The following PTPRK variants were observed in gnomAD, a reference collection of about 807,000 sequenced individuals.
The protein encoded by PTPRK is protein tyrosine phosphatase receptor type K, also known as receptor-type tyrosine-protein phosphatase kappa.
Under a neutral mutation model 178.0 loss-of-function variants are expected in PTPRK, and 75 were observed. That is an observed-to-expected ratio of 0.42 (90% CI 0.35 to 0.51). PTPRK has a LOEUF of 0.51. PTPRK is among the 20% of genes least tolerant of loss of function. The pLI, the probability that PTPRK is intolerant of heterozygous loss-of-function variation, is 0.02. For synonymous variants in PTPRK, 637 were observed against 620.6 expected, an observed-to-expected ratio of 1.03 and a Z score of -0.39; for missense variants, 1,441 against 1,797.8, an observed-to-expected ratio of 0.80 and a Z score of 3.59.
intron 3 of PTPRK, among the ~76,000 whole-genome samples, chr6:128,253,019 G>T (rs541390986): frequency 6.6e-6 from 1 of 152,194 alleles, no homozygotes; most frequent in African/African-American, 2.4e-5. Flanking sequence ...AGCTGCCTGA[G>T]ACTAGAGACC....
At chr6:128,159,327 T>A (rs1377087629) in intron 7 of PTPRK, among the ~76,000 whole-genome samples, 1 of 151,824 alleles carries the variant, frequency 6.6e-6, no homozygotes, top group African/African-American at 2.4e-5. Flanking sequence ...TCCAATGAAG[T>A]AGATCAAAGC....
chr6:128,476,887 TA>T lies in PTPRK; in HGVS notation c.100+43371del, dbSNP rs71028124. Among the ~76,000 whole-genome samples the T allele has an allele frequency of 4.3e-3, 628 of 146,154 alleles. 3 individuals carry two copies. The highest frequency in any genetic ancestry group is 0.012 in the African/African-American group (472 of 40,080). On this transcript the variant is annotated intron_variant, in intron 1 of 29. Coordinates refer to ENST00000368226, the MANE Select transcript of PTPRK (RefSeq NM_002844.4). ...ATGGGTACTTTCTAAACTGCTTTTC[TA>T]AAAAAAAAAAATCAATCTTGAGAGT...
At chr6:128,392,552 G>T (rs1839738185) in intron 2 of PTPRK, among the ~76,000 whole-genome samples, 1 of 151,916 alleles carries the variant, frequency 6.6e-6, no homozygotes, top group Non-Finnish European at 1.5e-5. Context: ...ATAGTAAAAT[G>T]GTCAAATAAA....
At position 128,152,348 on chromosome 6, in the gene PTPRK, C is replaced by T. The variant is rs150519545; in HGVS notation, c.1162+32084G>A. ...ATGGTAAACTAGATGTCTACTAGAACCAATGAGCACAGTGACAGGACTTCA... is the reference window on the plus strand; with the variant it reads ...ATGGTAAACTAGATGTCTACTAGAATCAATGAGCACAGTGACAGGACTTCA... On this transcript the variant is annotated intron_variant, in intron 7 of 29. Transcript: ENST00000368226. Among the ~76,000 whole-genome samples, 13 of 151,986 alleles carry T rather than the reference C, an allele frequency of 8.6e-5. No homozygotes were observed. In the East Asian group the frequency reaches 2.3e-3, roughly 27 times the overall value.
intron 1 of PTPRK, among the ~76,000 whole-genome samples, chr6:128,456,686 A>C (rs1031583300): frequency 6.6e-6 from 1 of 152,152 alleles, no homozygotes; most frequent in Admixed American, 6.6e-5. Context: ...AACTAAAAGT[A>C]TGATAGTTCT....
intron 1 of PTPRK, among the ~76,000 whole-genome samples, chr6:128,513,886 G>C (rs989287056): frequency 1.3e-5 from 2 of 152,186 alleles, no homozygotes; most frequent in Admixed American, 6.5e-5. Context: ...TGGGTGGGTA[G>C]TGAGGACCCT....
At chr6:127,996,349 TTTA>T (rs1562402276) in intron 17 of PTPRK, among the ~76,000 whole-genome samples, 3 of 152,098 alleles carry the variant, frequency 2.0e-5, no homozygotes, top group Admixed American at 2.0e-4. Flanking sequence ...ACCCCATGCA[TTTA>T]TGTACAAACA....
intron 2 of PTPRK, among the ~76,000 whole-genome samples, chr6:128,352,696 C>T (rs1833358088): frequency 6.6e-6 from 1 of 152,178 alleles, no homozygotes. Flanking sequence ...TATTCATAGA[C>T]AGATCCCAAC....
intron 7 of PTPRK, among the ~76,000 whole-genome samples, chr6:128,099,867 G>A (rs930691508): frequency 1.3e-5 from 2 of 152,052 alleles, no homozygotes; most frequent in African/African-American, 4.8e-5. Context: ...ATTAGGTTTA[G>A]AGATTAGACA....
intron 13 of PTPRK, among the ~76,000 whole-genome samples, chr6:128,030,602 T>C (rs1018370494): frequency 1.3e-5 from 2 of 152,218 alleles, no homozygotes; most frequent in Non-Finnish European, 2.9e-5. Context: ...TTTAATCTTA[T>C]CAAAGCCTTT....
chr6:128,506,631 G>C lies in PTPRK; in HGVS notation c.100+13628C>G, dbSNP rs574176800. 3.0e-5 allele frequency among the ~76,000 whole-genome samples: 4 copies of C among 131,366 alleles called. No homozygotes were observed. In the South Asian group the frequency reaches 9.9e-4, roughly 33 times the overall value. The allele number at this position is 131,366 out of a possible 152,430, so 86.2% of individuals were successfully genotyped here. ...GCTATGTTCACACCACTGCATTCCA[G>C]TCTGGTTGACAGAGTAAAACTCTGT... is the stretch of plus-strand genomic sequence containing the variant. On this transcript the variant is annotated intron_variant, in intron 1 of 29. Coordinates refer to ENST00000368226, the MANE Select transcript of PTPRK (RefSeq NM_002844.4).
chr6:128,274,590 C>T lies in PTPRK; in HGVS notation c.496-31988G>A, dbSNP rs149726459. On this transcript the variant is annotated intron_variant, in intron 3 of 29. Coordinates refer to ENST00000368226, the MANE Select transcript of PTPRK (RefSeq NM_002844.4). ...GCAAATGATCTACAGAAGCAATCAT[C>T]AGCATTCACACCCAGATTTAAAAAC... Among the ~76,000 whole-genome samples the T allele has an allele frequency of 6.3e-3, 952 of 152,176 alleles. 11 individuals carry two copies. Among genetic ancestry groups the T allele is most frequent in the African/African-American group, 0.022 (901 of 41,556 alleles).
rs565561274 is a variant in PTPRK, at chr6:128,091,907, A to G, written c.1163-1915T>C. Among the ~76,000 whole-genome samples the G allele has an allele frequency of 5.3e-5, 8 of 152,336 alleles. No homozygotes were observed. The South Asian group carries it at 1.0e-3, about 20-fold the overall frequency. On this transcript the variant is annotated intron_variant, in intron 7 of 29. Transcript: ENST00000368226. ...CTAGACATCTTACACACTGTAAAGA[A>G]GACAGAGTAGCTCTGCATCCTCAAT...
chr6:128,015,534 T>A (rs774665222), intron 13 of PTPRK, among the ~76,000 whole-genome samples: 1 of 151,682 alleles, frequency 6.6e-6, no homozygotes, highest in Admixed American at 6.6e-5. Flanking sequence ...AGATTTATCC[T>A]ACATATTACT....
rs143136751 is a variant in PTPRK, at chr6:128,435,798, C to T, written c.101-38110G>A. 2.0e-3 allele frequency among the ~76,000 whole-genome samples: 301 copies of T among 152,120 alleles called. 1 individual carries two copies. The highest frequency in any genetic ancestry group is 7.1e-3 in the African/African-American group (293 of 41,504). On this transcript the variant is annotated intron_variant, in intron 1 of 29. Transcript: ENST00000368226. Reference sequence around the variant, plus strand: ...CTAGACAAAAAATTTCAGAAAAGCCCCAACTCAAAAATTACAATGAAAGTA... The same window carrying T: ...CTAGACAAAAAATTTCAGAAAAGCCTCAACTCAAAAATTACAATGAAAGTA...
intron 8 of PTPRK, among the ~76,000 whole-genome samples, chr6:128,087,432 T>C (rs1786082930): frequency 6.6e-6 from 1 of 152,178 alleles, no homozygotes; most frequent in Non-Finnish European, 1.5e-5. Context: ...TATCCCATTT[T>C]AAAAGAAAAG....
At chr6:128,451,714 T>C (rs781628914) in intron 1 of PTPRK, among the ~76,000 whole-genome samples, 1 of 152,202 alleles carries the variant, frequency 6.6e-6, no homozygotes, top group African/African-American at 2.4e-5. Context: ...TTTTTAATTA[T>C]TGGTTTTCTA....
intron 5 of PTPRK, among the ~76,000 whole-genome samples, chr6:128,236,441 C>A (rs1025917917): frequency 6.6e-6 from 1 of 150,994 alleles, no homozygotes; most frequent in East Asian, 2.0e-4. Flanking sequence ...CTCCGCCTCC[C>A]GGGTTCAAGC....
chr6:128,074,601 CA>C (rs1783439810), intron 11 of PTPRK, among the ~76,000 whole-genome samples: 1 of 152,002 alleles, frequency 6.6e-6, no homozygotes, highest in African/African-American at 2.4e-5. Context: ...GGATAGATCT[CA>C]AAAAGTTGGT....
Sources: gnomAD v4.1 joint callset for allele counts (sites outside exome capture counted in the v4.1 genomes callset) on GRCh38, gnomAD v4.1.1 for gene constraint, MANE v1.5 for transcripts, NCBI Gene and HGNC (gene_info 2026-07-23, HGNC 2026-07-21) for gene names.